PRKCE: variants seen among roughly 807,000 people sequenced by gnomAD.
PRKCE encodes the protein protein kinase C epsilon type.
Under a neutral mutation model 85.4 loss-of-function variants are expected in PRKCE, and 16 were observed. The observed-to-expected ratio is 0.19, with a 90% confidence interval of 0.13 to 0.28. The LOEUF (loss-of-function observed/expected upper bound fraction) is 0.28, where lower values mean the gene tolerates loss of function less well. Ranked by LOEUF, PRKCE falls within the 10% of genes least tolerant of loss-of-function variation. The probability of loss-of-function intolerance (pLI) is 1.00; values close to 1 mark genes in which losing one functional copy is unlikely to be tolerated. For missense variants in PRKCE, 573 were observed against 975.2 expected, an observed-to-expected ratio of 0.59 and a Z score of 5.49; for synonymous variants, 388 against 371.5, an observed-to-expected ratio of 1.04 and a Z score of -0.51.
intron 1 of PRKCE, among the ~76,000 whole-genome samples, chr2:45,802,083 T>TAAA (rs36010894): frequency 8.2e-6 from 1 of 121,900 alleles, no homozygotes. Flanking sequence ...GACCCTATCT[T>TAAA]AAAAAAAAAA....
chr2:46,126,379 A>G (rs899373426), intron 11 of PRKCE, among the ~76,000 whole-genome samples: 2 of 152,132 alleles, frequency 1.3e-5, no homozygotes, highest in Admixed American at 1.3e-4. Context: ...CTTGTAATAT[A>G]TACTACACCA....
intron 11 of PRKCE, among the ~76,000 whole-genome samples, chr2:46,126,939 A>C (rs1574540347): frequency 1.3e-5 from 2 of 152,246 alleles, no homozygotes; most frequent in South Asian, 4.1e-4. Flanking sequence ...CAACGTTAAC[A>C]GACTTGTCCT....
At chr2:45,817,667 C>T (rs1384448841) in intron 1 of PRKCE, among the ~76,000 whole-genome samples, 2 of 152,122 alleles carry the variant, frequency 1.3e-5, no homozygotes, top group East Asian at 1.9e-4. Flanking sequence ...GCACTCCAGC[C>T]TGGGCAACAG....
At position 46,159,807 on chromosome 2, in the gene PRKCE, G is replaced by A; in HGVS notation, c.2067+55G>A. On this transcript the variant is annotated intron_variant, in intron 14 of 14. Transcript: ENST00000306156. The surrounding 1 kb of genome is among the most constrained non-coding windows in gnomAD (Gnocchi z 4.1). ...CATGGGTCGGGCCCAGGTACTTGCAGGACAGGCTGCGTGCACCCAGGAAGA... is the reference window on the plus strand; with the variant it reads ...CATGGGTCGGGCCCAGGTACTTGCAAGACAGGCTGCGTGCACCCAGGAAGA... The A allele has an allele frequency of 6.3e-7, 1 of 1,589,090 alleles. No homozygotes were observed. The highest frequency in any genetic ancestry group is 8.5e-7 in the Non-Finnish European group (1 of 1,175,864).
intron 1 of PRKCE, among the ~76,000 whole-genome samples, chr2:45,718,252 A>G (rs1413610198): frequency 6.6e-6 from 1 of 152,084 alleles, no homozygotes; most frequent in African/African-American, 2.4e-5. Flanking sequence ...CCTGCAGGGC[A>G]AAATTGCCCC....
At chr2:46,150,004 G>A (rs911076492) in intron 12 of PRKCE, among the ~76,000 whole-genome samples, 4 of 151,712 alleles carry the variant, frequency 2.6e-5, no homozygotes, top group East Asian at 1.9e-4. Flanking sequence ...CTACAGACAC[G>A]TACCACCATG....
At chr2:45,984,434 CCTGCCA>C in intron 5 of PRKCE, 111 bp from the exon 6 acceptor site, 1 of 1,443,544 alleles carries the variant, frequency 6.9e-7, no homozygotes, top group Non-Finnish European at 9.4e-7. Context: ...CAAGCTAGGG[CCTGCCA>C]CCTACAATGA....
intron 14 of PRKCE, among the ~76,000 whole-genome samples, chr2:46,172,135 G>A (rs920707614): frequency 6.6e-5 from 10 of 152,326 alleles, no homozygotes; most frequent in South Asian, 6.2e-4. Flanking sequence ...GCTCTCTGCC[G>A]TCCTCCAGAG....
intron 1 of PRKCE, among the ~76,000 whole-genome samples, chr2:45,731,022 G>A (rs1681526920): frequency 6.6e-6 from 1 of 152,158 alleles, no homozygotes; most frequent in Admixed American, 6.5e-5. Context: ...ATTTTGAAGT[G>A]AAGGAAATAG....
intron 14 of PRKCE, among the ~76,000 whole-genome samples, chr2:46,172,821 A>G (rs1473856438): frequency 6.6e-6 from 1 of 152,240 alleles, no homozygotes; most frequent in Non-Finnish European, 1.5e-5. Context: ...GGGACACTTC[A>G]GGTCCTGAAA....
intron 1 of PRKCE, among the ~76,000 whole-genome samples, chr2:45,819,373 C>T (rs1689336847): frequency 6.6e-6 from 1 of 152,158 alleles, no homozygotes; most frequent in Non-Finnish European, 1.5e-5. Flanking sequence ...ACCCATCTGG[C>T]TCAGAATGCT....
chr2:45,984,733 C>G, intron 6 of PRKCE, 53 bp downstream of exon 6: 2 of 1,566,658 alleles, frequency 1.3e-6, no homozygotes, highest in Non-Finnish European at 1.7e-6. Flanking sequence ...TTCCTTGCTG[C>G]CTGCCCCCAT....
At chr2:45,677,395 GCCGGA>G (rs1472898039) in intron 1 of PRKCE, among the ~76,000 whole-genome samples, 2 of 146,578 alleles carry the variant, frequency 1.4e-5, no homozygotes, top group Non-Finnish European at 3.0e-5. Context: ...TGTCGCCCAG[GCCGGA>G]CTGCGGACTG....
intron 2 of PRKCE, among the ~76,000 whole-genome samples, chr2:45,901,515 A>G (rs1696581667): frequency 6.6e-6 from 1 of 152,230 alleles, no homozygotes; most frequent in African/African-American, 2.4e-5. Flanking sequence ...TAGATTTTTA[A>G]CTTGTCATTT....
At chr2:45,690,265 A>G (rs62128643) in intron 1 of PRKCE, among the ~76,000 whole-genome samples, 1 of 143,634 alleles carries the variant, frequency 7.0e-6, no homozygotes, top group Non-Finnish European at 1.6e-5. Flanking sequence ...TGACTGTAAC[A>G]TCTAAGTTAA....
At chr2:45,885,563 T>G (rs1695234879) in intron 2 of PRKCE, among the ~76,000 whole-genome samples, 2 of 152,232 alleles carry the variant, frequency 1.3e-5, no homozygotes, top group South Asian at 4.1e-4. Context: ...TTAATCTACA[T>G]GAATTAATAT....
At chr2:45,848,530 C>T (rs1036565824) in intron 2 of PRKCE, among the ~76,000 whole-genome samples, 10 of 152,172 alleles carry the variant, frequency 6.6e-5, no homozygotes, top group Middle Eastern at 3.4e-3. Context: ...AGGCTGGTCT[C>T]GAACTCCTGA....
intron 1 of PRKCE, among the ~76,000 whole-genome samples, chr2:45,673,075 AT>A (rs35436372): frequency 2.6e-5 from 4 of 151,652 alleles, no homozygotes; most frequent in South Asian, 2.1e-4. Context: ...ACAGTGAGAG[AT>A]TTTTTTTTAA....
intron 2 of PRKCE, among the ~76,000 whole-genome samples, chr2:45,925,680 AG>A (rs1170669969): frequency 6.6e-6 from 1 of 152,248 alleles, no homozygotes; most frequent in Non-Finnish European, 1.5e-5. Context: ...AGTGAACCCA[AG>A]GGAGAATTCT....
Sources: allele counts gnomAD v4.1 joint callset (sites outside exome capture counted in the v4.1 genomes callset), GRCh38; gene constraint gnomAD v4.1.1; non-coding constraint Gnocchi (gnomAD v3.1); transcripts MANE v1.5; gene names NCBI Gene and HGNC (gene_info 2026-07-23, HGNC 2026-07-21).